The following L3MBTL4 variants were observed in gnomAD, a reference collection of about 807,000 sequenced individuals.
The protein encoded by L3MBTL4 is lethal(3)malignant brain tumor-like protein 4.
A neutral mutation model predicts 84.5 loss-of-function variants in L3MBTL4; 70 were observed. The observed-to-expected ratio is 0.83, with a 90% CI of 0.68 to 1.01. The LOEUF (loss-of-function observed/expected upper bound fraction) is 1.01, where lower values mean the gene tolerates loss of function less well. Among genes scored for constraint, L3MBTL4 ranks in the 50% least tolerant of loss-of-function variants. The pLI, the probability that L3MBTL4 is intolerant of heterozygous loss-of-function variation, is 0.00. For missense variants in L3MBTL4, 715 were observed against 754.8 expected, an observed-to-expected ratio of 0.95 and a Z score of 0.62; for synonymous variants, 274 against 259.8, an observed-to-expected ratio of 1.05 and a Z score of -0.52.
chr18:6,204,463 CT>C (rs1432170056), intron 12 of L3MBTL4, among the ~76,000 whole-genome samples: 1 of 152,190 alleles, frequency 6.6e-6, no homozygotes, highest in Admixed American at 6.5e-5. Context: ...AAATAAAGAT[CT>C]TGCATATACC....
At chr18:6,070,868 A>C (rs1568064611) in intron 16 of L3MBTL4, among the ~76,000 whole-genome samples, 1 of 152,032 alleles carries the variant, frequency 6.6e-6, no homozygotes, top group Non-Finnish European at 1.5e-5. Flanking sequence ...AGACACTATG[A>C]ATGAAGTACA....
rs1020934560 is a variant in L3MBTL4, at chr18:6,278,115, G to A, written c.128-14077C>T. On this transcript the variant is annotated intron_variant, in intron 4 of 18. Transcript: ENST00000317931. ...TTTAATTTTCTTGCTTATTTCATTT[G>A]CTAAAAATTCCAAGACAATAATGAA... 6.6e-5 allele frequency among the ~76,000 whole-genome samples: 10 copies of A among 151,752 alleles called. 1 individual carries two copies. The South Asian group carries it at 8.3e-4, about 13-fold the overall frequency.
At chr18:6,168,516 T>C (rs1388917791) in intron 13 of L3MBTL4, among the ~76,000 whole-genome samples, 1 of 152,036 alleles carries the variant, frequency 6.6e-6, no homozygotes, top group Non-Finnish European at 1.5e-5. Flanking sequence ...CCCTCAGAAA[T>C]AATGCTGCAT....
intron 15 of L3MBTL4, among the ~76,000 whole-genome samples, chr18:6,085,890 T>A (rs61274039): frequency 1.3e-5 from 2 of 152,216 alleles, no homozygotes; most frequent in African/African-American, 4.8e-5. Context: ...GACCTAAGCA[T>A]GCAGCATCAG....
chr18:6,083,549 T>C (rs1456016563), intron 15 of L3MBTL4, among the ~76,000 whole-genome samples: 1 of 152,152 alleles, frequency 6.6e-6, no homozygotes, highest in Non-Finnish European at 1.5e-5. Flanking sequence ...TGTTTGGAAA[T>C]GACTAGGCCA....
chr18:6,377,218 G>A (rs73938404), intron 1 of L3MBTL4, among the ~76,000 whole-genome samples: 5,043 of 152,096 alleles, frequency 0.033, 302 homozygotes, highest in African/African-American at 0.11. Context: ...AACTCATCTC[G>A]TTCGAAAGTT....
intron 1 of L3MBTL4, among the ~76,000 whole-genome samples, chr18:6,350,219 C>T (rs1361200706): frequency 6.6e-6 from 1 of 152,102 alleles, no homozygotes; most frequent in Non-Finnish European, 1.5e-5. Context: ...ATGTCAAAAA[C>T]GCAAGCAACC....
intron 16 of L3MBTL4, among the ~76,000 whole-genome samples, chr18:6,017,013 G>T (rs1163269101): frequency 1.1e-5 from 1 of 94,174 alleles, no homozygotes; most frequent in South Asian, 2.7e-4. Context: ...CAGAGCAGAG[G>T]GGGTGGTAAA....
chr18:6,382,867 T>A (rs143675044), intron 1 of L3MBTL4, among the ~76,000 whole-genome samples: 58 of 147,314 alleles, frequency 3.9e-4, no homozygotes, highest in South Asian at 1.3e-3. Flanking sequence ...TGCTCTCTTC[T>A]GAGCTGCCAG....
At chr18:6,100,479 T>G (rs1330986652) in intron 14 of L3MBTL4, among the ~76,000 whole-genome samples, 5 of 152,254 alleles carry the variant, frequency 3.3e-5, no homozygotes. Context: ...TTCTCACATC[T>G]GTGTCATCTG....
chr18:6,212,994 T>C (rs1044196435), intron 12 of L3MBTL4, among the ~76,000 whole-genome samples, 155 bp downstream of exon 12: 1 of 152,180 alleles, frequency 6.6e-6, no homozygotes, highest in Non-Finnish European at 1.5e-5. Context: ...CCAGGGTCAA[T>C]CTTCAAGGTC....
intron 16 of L3MBTL4, among the ~76,000 whole-genome samples, chr18:6,035,469 C>T (rs1432489698): frequency 2.0e-5 from 3 of 150,746 alleles, no homozygotes; most frequent in South Asian, 2.1e-4. Flanking sequence ...AGATATGCGG[C>T]GTTATTTCTG....
Position 6,177,653 on chromosome 18 carries a change from G to T in L3MBTL4, c.982-5711C>A, listed in dbSNP as rs141458435. ...TTTATTTAAAACATTTCTACATTCA[G>T]CTGCTGTCACATGTGGCTGCTCTGT... On this transcript the variant is annotated intron_variant, in intron 12 of 18. Coordinates refer to ENST00000317931, the MANE Select transcript of L3MBTL4 (RefSeq NM_001330559.2). 2.1e-3 allele frequency among the ~76,000 whole-genome samples: 318 copies of T among 152,244 alleles called. 1 individual carries two copies. The highest frequency in any genetic ancestry group is 7.4e-3 in the African/African-American group (306 of 41,548).
intron 13 of L3MBTL4, among the ~76,000 whole-genome samples, chr18:6,144,434 C>T (rs1277540915): frequency 6.6e-6 from 1 of 152,124 alleles, no homozygotes; most frequent in African/African-American, 2.4e-5. Flanking sequence ...AGGAGTAAAT[C>T]TAATGGCAAG....
intron 18 of L3MBTL4, 108 bp from the exon 19 acceptor site, chr18:5,956,495 C>T (rs1006088535): frequency 1.6e-5 from 15 of 914,602 alleles, no homozygotes; most frequent in East Asian, 1.3e-4. Context: ...TCATAGCCTC[C>T]GTGTTGAGCT....
chr18:6,406,347 G>A (rs774755459), intron 1 of L3MBTL4, among the ~76,000 whole-genome samples: 16 of 152,202 alleles, frequency 1.1e-4, no homozygotes, highest in Non-Finnish European at 2.2e-4. Context: ...AAGAATCAAC[G>A]GGGACCATCT....
chr18:6,153,807 C>G (rs969001303), intron 13 of L3MBTL4, among the ~76,000 whole-genome samples: 1 of 152,116 alleles, frequency 6.6e-6, no homozygotes, highest in East Asian at 1.9e-4. Context: ...CTCTCTCCTG[C>G]CACCTTGTGA....
At chr18:6,336,497 TA>T (rs2052347064) in intron 1 of L3MBTL4, among the ~76,000 whole-genome samples, 1 of 152,190 alleles carries the variant, frequency 6.6e-6, no homozygotes. Flanking sequence ...CACATAGTAC[TA>T]TGAAGACTAA....
chr18:6,297,287 G>A (rs1568453703), intron 4 of L3MBTL4, among the ~76,000 whole-genome samples: 1 of 152,138 alleles, frequency 6.6e-6, no homozygotes, highest in African/African-American at 2.4e-5. Flanking sequence ...AACGGTAGAA[G>A]AAACCTACAT....
Sources: allele counts gnomAD v4.1 joint callset (sites outside exome capture counted in the v4.1 genomes callset), GRCh38; gene constraint gnomAD v4.1.1; transcripts MANE v1.5; gene names NCBI Gene and HGNC (gene_info 2026-07-23, HGNC 2026-07-21).